The following GRIP1 variants were observed in gnomAD, a reference collection of about 807,000 sequenced individuals.
GRIP1 encodes the protein glutamate receptor-interacting protein 1.
In GRIP1, 45 loss-of-function variants were observed where a neutral mutation model predicts 129.9. That is an observed-to-expected ratio of 0.35 (90% CI 0.27 to 0.44). The LOEUF is 0.44. Among genes scored for constraint, GRIP1 ranks in the 20% least tolerant of loss-of-function variants. The pLI is 1.00. For missense variants in GRIP1, 1,196 were observed against 1,396.8 expected (o/e 0.86, Z 2.29); for synonymous variants, 530 against 520.8 (o/e 1.02, Z -0.24).
At chr12:66,970,633 G>T (rs1300047546) in intron 1 of GRIP1, among the ~76,000 whole-genome samples, 1 of 146,410 alleles carries the variant, frequency 6.8e-6, no homozygotes, top group East Asian at 2.1e-4. Context: ...GCATCTTGCA[G>T]CTCTTTCAGC....
At chr12:66,784,400 C>T (rs1772510394) in intron 1 of GRIP1, among the ~76,000 whole-genome samples, 1 of 152,190 alleles carries the variant, frequency 6.6e-6, no homozygotes, top group African/African-American at 2.4e-5. Context: ...TATAACCTCA[C>T]AATATCCTAA....
intron 1 of GRIP1, among the ~76,000 whole-genome samples, chr12:66,656,120 G>A (rs1241896909): frequency 6.6e-6 from 1 of 152,118 alleles, no homozygotes; most frequent in Non-Finnish European, 1.5e-5. Context: ...AGAGCAATGA[G>A]CCTGTCTCAT....
chr12:66,870,363 TG>T (rs137965426), intron 1 of GRIP1, among the ~76,000 whole-genome samples: 11,688 of 152,174 alleles, frequency 0.077, 505 homozygotes, highest in Admixed American at 0.11. Context: ...AAATCAGGGT[TG>T]AAAAAAATAG....
chr12:66,804,957 C>T (rs537776025), upstream of GRIP1, among the ~76,000 whole-genome samples: 153 of 152,286 alleles, frequency 1.0e-3, no homozygotes, highest in Non-Finnish European at 1.8e-3. Flanking sequence ...CGTTTACCCA[C>T]TGGGCATTAA....
At chr12:66,985,607 G>A (rs543015479) in intron 1 of GRIP1, among the ~76,000 whole-genome samples, 2 of 152,054 alleles carry the variant, frequency 1.3e-5, no homozygotes, top group Admixed American at 1.3e-4. Context: ...CCTTCTATTG[G>A]GAACAGTTAG....
intron 2 of GRIP1, among the ~76,000 whole-genome samples, chr12:66,583,717 C>T (rs2063498538): frequency 7.2e-6 from 1 of 138,836 alleles, no homozygotes. Context: ...TATACCATCT[C>T]ACACCAGTTG....
intron 1 of GRIP1, among the ~76,000 whole-genome samples, chr12:67,019,220 C>A (rs761775114): frequency 6.6e-6 from 1 of 152,140 alleles, no homozygotes; most frequent in South Asian, 2.1e-4. Flanking sequence ...TACACACGCA[C>A]GAATATGCGT....
chr12:66,839,810 T>A (rs1466959669), intron 1 of GRIP1, among the ~76,000 whole-genome samples: 6 of 152,230 alleles, frequency 3.9e-5, no homozygotes, highest in African/African-American at 1.4e-4. Flanking sequence ...GCACTTACTC[T>A]GTGCAAGGCA....
At chr12:66,382,681 T>C (rs2056169077) in intron 19 of GRIP1, among the ~76,000 whole-genome samples, 1 of 152,194 alleles carries the variant, frequency 6.6e-6, no homozygotes, top group South Asian at 2.1e-4. Flanking sequence ...TCAGCATCAT[T>C]AATGCAGTAA....
At position 66,867,583 on chromosome 12, in the gene GRIP1, C is replaced by A. The variant is rs184624152; in HGVS notation, c.58+201467G>T. ...GTGCTATTTTATTCTTTATACCTTACATATGTTATAATTATCTTGTCAACA... is the reference window on the plus strand; with the variant it reads ...GTGCTATTTTATTCTTTATACCTTAAATATGTTATAATTATCTTGTCAACA... On this transcript the variant is annotated intron_variant, in intron 1 of 1. Coordinates refer to the GRIP1 transcript ENST00000643019. Among the ~76,000 whole-genome samples the A allele has an allele frequency of 3.1e-3, 466 of 152,188 alleles. 1 individual carries two copies. The highest frequency in any genetic ancestry group is 0.011 in the African/African-American group (452 of 41,540).
At chr12:66,787,524 G>A (rs1283998323) in intron 1 of GRIP1, among the ~76,000 whole-genome samples, 1 of 152,148 alleles carries the variant, frequency 6.6e-6, no homozygotes, top group Non-Finnish European at 1.5e-5. Flanking sequence ...GGTGATGATG[G>A]TATTAAGAAG....
intron 1 of GRIP1, among the ~76,000 whole-genome samples, chr12:66,878,110 T>C (rs1252274): frequency 0.95 from 144,481 of 152,072 alleles, 69,065 homozygotes; most frequent in East Asian, 1. Flanking sequence ...CAAATTCAAG[T>C]GATTAAACAA....
intron 1 of GRIP1, among the ~76,000 whole-genome samples, chr12:66,913,723 C>T (rs2041070765): frequency 6.6e-6 from 1 of 152,066 alleles, no homozygotes; most frequent in Non-Finnish European, 1.5e-5. Context: ...TGTCTTCAGT[C>T]TAAAGAGGAA....
intron 15 of GRIP1, among the ~76,000 whole-genome samples, chr12:66,408,645 A>G (rs2057282601): frequency 6.6e-6 from 1 of 151,998 alleles, no homozygotes; most frequent in South Asian, 2.1e-4. Flanking sequence ...GCTTGAGAAA[A>G]GCAGAGGAAT....
At chr12:67,005,073 G>A (rs768496869) in intron 1 of GRIP1, among the ~76,000 whole-genome samples, 8 of 151,790 alleles carry the variant, frequency 5.3e-5, no homozygotes, top group Non-Finnish European at 7.4e-5. Flanking sequence ...ACTGTGGGCA[G>A]GAAATATGAA....
intron 14 of GRIP1, among the ~76,000 whole-genome samples, chr12:66,428,738 A>G (rs1476068425): frequency 6.6e-6 from 1 of 152,216 alleles, no homozygotes; most frequent in Non-Finnish European, 1.5e-5. Context: ...AGGATTAAGT[A>G]AGAAAACATA....
intron 15 of GRIP1, chr12:66,407,411 AACTTCATATCATTGAAAGAGGC>A (rs2057232996): frequency 6.6e-6 from 1 of 152,248 alleles, no homozygotes; most frequent in Non-Finnish European, 1.5e-5. Flanking sequence ...ACCTGGTTTT[AACTTCATATCATTGAAAGAGGC>A]ACTGAAGAGG....
rs1398754561 is a variant in GRIP1, at chr12:66,455,456, C to T, written c.1307G>A (p.Gly436Glu). 2 of 1,613,984 alleles carry T rather than the reference C, an allele frequency of 1.2e-6. No homozygotes were observed. The highest frequency in any genetic ancestry group is 4.5e-5 in the East Asian group (2 of 44,900). The change falls in exon 11 of 25, where the codon GGA becomes GAA. Residue 436 changes from glycine to glutamate, a missense_variant. Physicochemically the swap from Gly to Glu is moderately conservative, Grantham distance 98. This residue lies in a region of GRIP1 where 508 missense variants were observed against 587.0 expected (regional missense o/e 0.87). Coordinates refer to ENST00000359742, the MANE Select transcript of GRIP1 (RefSeq NM_001366722.1). ...PRSLYSTSPRGTMMRRRLKKK... is the reference protein window; with the variant it reads ...PRSLYSTSPRETMMRRRLKKK... The stretch of plus-strand genomic sequence containing the variant: ...TTTCAGTCTCCTCCTCATCATGGTT[C>T]CACGTGGGCTGGTGGAGTAGAGGCT...
At chr12:67,022,915 G>GT (rs754165677) in intron 1 of GRIP1, among the ~76,000 whole-genome samples, 37 of 152,150 alleles carry the variant, frequency 2.4e-4, no homozygotes, top group Non-Finnish European at 5.0e-4. Flanking sequence ...TTATGCTTAT[G>GT]TATGCTGAGC....
Sources: allele counts gnomAD v4.1 joint callset (sites outside exome capture counted in the v4.1 genomes callset), GRCh38; gene constraint gnomAD v4.1.1; regional missense constraint gnomAD v4.1.1; transcripts MANE v1.5; gene names NCBI Gene and HGNC (gene_info 2026-07-23, HGNC 2026-07-21).